ZNF536: variants seen among roughly 807,000 people sequenced by gnomAD.
The protein encoded by ZNF536 is zinc finger protein 536.
Under a neutral mutation model 84.5 loss-of-function variants are expected in ZNF536, and 13 were observed. The ratio of observed to expected loss-of-function variants is 0.15; its 90% CI spans 0.10 to 0.24. The LOEUF is 0.24. ZNF536 is among the 10% of genes least tolerant of loss of function. The pLI is 1.00. For synonymous variants in ZNF536, 811 were observed against 742.5 expected (o/e 1.09, Z -1.50); for missense variants, 1,536 against 1,747.5 (o/e 0.88, Z 2.16).
At chr19:30,700,196 C>CT (rs201491524) in intron 1 of ZNF536, among the ~76,000 whole-genome samples, 4 of 133,642 alleles carry the variant, frequency 3.0e-5, no homozygotes, top group Admixed American at 7.9e-5. Context: ...TTCCTTCTTT[C>CT]TTTCCTTCTT....
intron 1 of ZNF536, among the ~76,000 whole-genome samples, chr19:30,579,119 C>G (rs186806892): frequency 6.6e-6 from 1 of 152,136 alleles, no homozygotes; most frequent in Non-Finnish European, 1.5e-5. Flanking sequence ...GCTAGTTGTT[C>G]TTTTACTTAT....
intron 3 of ZNF536, among the ~76,000 whole-genome samples, chr19:30,539,891 G>A (rs1797349715): frequency 2.0e-5 from 3 of 152,330 alleles, no homozygotes; most frequent in South Asian, 2.1e-4. Context: ...TCGGGATGGG[G>A]TTGTTGTCTC....
intron 2 of ZNF536, among the ~76,000 whole-genome samples, chr19:30,345,624 A>G (rs1320326256): frequency 2.6e-5 from 4 of 152,238 alleles, no homozygotes; most frequent in East Asian, 1.9e-4. Flanking sequence ...GAAATTTCAA[A>G]TGAGTCCTTA....
chr19:30,435,139 G>A (rs1440260220), intron 1 of ZNF536, among the ~76,000 whole-genome samples: 1 of 151,820 alleles, frequency 6.6e-6, no homozygotes, highest in Non-Finnish European at 1.5e-5. Flanking sequence ...TGCTGATGAT[G>A]ATGGTGATTA....
rs79890689 is a variant in ZNF536 at position 30,517,589 on chromosome 19, T to C, written c.2171-17258T>C. Among the ~76,000 whole-genome samples the C allele has an allele frequency of 3.0e-4, 45 of 152,230 alleles. No individual in the cohort carries two copies. In the East Asian group the frequency reaches 6.6e-3, roughly 22 times the overall value. ...TTTGTATATGTTAAAAACAAACTTA[T>C]AGCCTGCGTGACATAGTGAAATCCT... On this transcript the variant is annotated intron_variant, in intron 2 of 4. Coordinates refer to ENST00000355537, the MANE Select transcript of ZNF536 (RefSeq NM_014717.3).
intron 1 of ZNF536, among the ~76,000 whole-genome samples, chr19:30,436,164 G>A (rs770275931): frequency 6.6e-6 from 1 of 152,164 alleles, no homozygotes; most frequent in Non-Finnish European, 1.5e-5. Context: ...CCATCCCCAA[G>A]GGGACACTTG....
At chr19:30,664,204 TTCTCTCTCTCTC>T (rs71173915) in intron 1 of ZNF536, among the ~76,000 whole-genome samples, 2,882 of 90,624 alleles carry the variant, frequency 0.032, 71 homozygotes, top group Middle Eastern at 0.045. Flanking sequence ...TTGCTGAGTT[TTCTCTCTCTCTC>T]TCTCTCTCTC....
chr19:30,360,374 T>C (rs1480567416), intron 3 of ZNF536, among the ~76,000 whole-genome samples: 1 of 152,274 alleles, frequency 6.6e-6, no homozygotes, highest in Non-Finnish European at 1.5e-5. Flanking sequence ...GCTGTCAGAC[T>C]GTTGCCTGAA....
At chr19:30,475,529 A>T (rs1158331355) in intron 2 of ZNF536, among the ~76,000 whole-genome samples, 3 of 152,188 alleles carry the variant, frequency 2.0e-5, no homozygotes, top group African/African-American at 7.2e-5. Flanking sequence ...GCCATTCCCC[A>T]ATTGGCGGGC....
At chr19:30,234,987 T>C (rs1039263689) in intron 1 of ZNF536, among the ~76,000 whole-genome samples, 1 of 152,178 alleles carries the variant, frequency 6.6e-6, no homozygotes, top group African/African-American at 2.4e-5. Flanking sequence ...TGGTATTAAT[T>C]CAGCAGACAT....
At position 30,496,088 on chromosome 19, in the gene ZNF536, C is replaced by T. The variant is rs754730309; in HGVS notation, c.2171-38759C>T. On this transcript the variant is annotated intron_variant, in intron 2 of 4. Coordinates refer to ENST00000355537, the MANE Select transcript of ZNF536 (RefSeq NM_014717.3). ...ATGTCTTGAAGGAATGTCCACTCTC[C>T]GGGCGTTCCTGGGGAATCTGGTCTC... 1.1e-4 allele frequency among the ~76,000 whole-genome samples: 16 copies of T among 152,262 alleles called. 1 individual carries two copies. Among genetic ancestry groups the T allele is most frequent in the East Asian group, 3.9e-4 (2 of 5,182 alleles).
At chr19:30,348,591 A>G (rs1016986970) in intron 2 of ZNF536, among the ~76,000 whole-genome samples, 1 of 152,146 alleles carries the variant, frequency 6.6e-6, no homozygotes, top group Non-Finnish European at 1.5e-5. Context: ...AGAATCCTCC[A>G]TGGGGATGCA....
upstream of ZNF536, among the ~76,000 whole-genome samples, chr19:30,371,658 C>T (rs1285078469): frequency 6.7e-6 from 1 of 149,516 alleles, no homozygotes; most frequent in Admixed American, 6.7e-5. Context: ...TGTATTTTTG[C>T]AGGAGGGTAT....
chr19:30,284,927 G>C (rs575362272), intron 2 of ZNF536, among the ~76,000 whole-genome samples: 38 of 152,106 alleles, frequency 2.5e-4, no homozygotes, highest in Non-Finnish European at 5.1e-4. Context: ...TGATTTTGTG[G>C]ATATTCCTGA....
At chr19:30,590,024 C>T (rs1407192201) in intron 1 of ZNF536, among the ~76,000 whole-genome samples, 1 of 152,206 alleles carries the variant, frequency 6.6e-6, no homozygotes, top group Non-Finnish European at 1.5e-5. Flanking sequence ...GCCCACTGGG[C>T]TCCATCCAGA....
intron 1 of ZNF536, among the ~76,000 whole-genome samples, chr19:30,684,782 G>A (rs561237041): frequency 6.6e-6 from 1 of 152,166 alleles, no homozygotes; most frequent in African/African-American, 2.4e-5. Context: ...ACTTTATAGG[G>A]GCTGATTGAC....
intron 3 of ZNF536, among the ~76,000 whole-genome samples, chr19:30,366,332 GTCTA>G (rs2048426923): frequency 6.6e-6 from 1 of 152,124 alleles, no homozygotes; most frequent in South Asian, 2.1e-4. Flanking sequence ...CTGTCAGTCT[GTCTA>G]TCTGTCTATT....
At chr19:30,381,247 A>C (rs1049757975) in intron 1 of ZNF536, among the ~76,000 whole-genome samples, 4 of 152,210 alleles carry the variant, frequency 2.6e-5, no homozygotes, top group African/African-American at 9.7e-5. Flanking sequence ...GATTAGATCA[A>C]TGCTCCTTTG....
At chr19:30,686,392 C>T (rs909247814) in intron 1 of ZNF536, among the ~76,000 whole-genome samples, 3 of 152,204 alleles carry the variant, frequency 2.0e-5, no homozygotes, top group African/African-American at 7.2e-5. Flanking sequence ...GATGGAGCCG[C>T]GGGCATCCCC....
Sources: allele counts gnomAD v4.1 joint callset (sites outside exome capture counted in the v4.1 genomes callset), GRCh38; gene constraint gnomAD v4.1.1; transcripts MANE v1.5; gene names NCBI Gene and HGNC (gene_info 2026-07-23, HGNC 2026-07-21).